ZNF524: variants seen among roughly 807,000 people sequenced by gnomAD.
ZNF524 encodes the protein zinc finger protein 524.
For synonymous variants in ZNF524, 194 were observed against 166.3 expected (o/e 1.17, Z -1.28); for missense variants, 388 against 380.1 (o/e 1.02, Z -0.17).
At position 55,602,189 on chromosome 19, in the gene ZNF524, C is replaced by T. The variant is rs200092560; in HGVS notation, c.77C>T (p.Pro26Leu). ...GAGAAACCTCTGGCCTTATCTCCTCCTGTTCCCCGGGGCCGCCGAGGCCGT... is the reference window on the plus strand; with the variant it reads ...GAGAAACCTCTGGCCTTATCTCCTCTTGTTCCCCGGGGCCGCCGAGGCCGT... ...EEEKPLALSP[P>L]VPRGRRGRRP... Residue 26 changes from proline to leucine, a missense_variant, in exon 2 of 2, where the codon CCT becomes CTT. Physicochemically the swap from Pro to Leu is moderately conservative, Grantham distance 98 (BLOSUM62 -3). Transcript: ENST00000301073. 30 of 1,610,480 alleles carry T rather than the reference C, an allele frequency of 1.9e-5. No individual in the cohort carries two copies. The highest frequency in any genetic ancestry group is 2.4e-5 in the Non-Finnish European group (28 of 1,178,390).
intron 1 of ZNF524, chr19:55,600,760 G>A (rs1599997981): frequency 6.6e-6 from 1 of 152,166 alleles, no homozygotes; most frequent in Non-Finnish European, 1.5e-5. Context: ...GCTACCCCGT[G>A]GGAGCGAACC....
In ZNF524 at chr19:55,602,333, C is replaced by T; in HGVS notation, c.221C>T (p.Ala74Val). 5 of 1,577,786 alleles carry T rather than the reference C, an allele frequency of 3.2e-6. No individual in the cohort carries two copies. The highest frequency in any genetic ancestry group is 4.3e-6 in the Non-Finnish European group (5 of 1,162,104). Residue 74 changes from alanine to valine, a missense_variant, in exon 2 of 2, where the codon GCC becomes GTC. Physicochemically the swap from Ala to Val is moderately conservative, Grantham distance 64 (BLOSUM62 0). Transcript: ENST00000301073. ...CTGGTGCAGGTGCAGGGGGTGACAG[C>T]CCCAGTAGGCAGCAGTGGCGGGAGC... ...PPLVQVQGVTAPVGSSGGSDL... is the reference protein window; with the variant it reads ...PPLVQVQGVTVPVGSSGGSDL...
In ZNF524 at chr19:55,600,295, C is replaced by T. The variant is rs914748988; in HGVS notation, c.-152C>T. On this transcript the variant is annotated 5_prime_UTR_variant, in exon 1 of 2. Transcript: ENST00000301073. ...GGGCCGGCACCGCGCGCCGCCGCCC[C>T]CGCCTCGCCGCCGCCGAGGGGCAGG... 2.0e-5 allele frequency: 3 copies of T among 150,150 alleles called. No homozygotes were observed. The highest frequency in any genetic ancestry group is 7.3e-5 in the African/African-American group (3 of 41,088). 9.3% of individuals were successfully genotyped at this position (150,150 alleles called of 1,614,324 possible). A position where few individuals can be genotyped will look rare whatever the true frequency, so the allele number is the denominator to read the frequency against.
Position 55,602,788 on chromosome 19 carries a change from G to A in ZNF524, c.676G>A (p.Gly226Arg), listed in dbSNP as rs764939491. ...GAAGCGCAAGCACCCGGAGGCCATG[G>A]GGGTACCCCTGTGTGCACCAGATCC... The part of the protein sequence containing the change: ...HAKRKHPEAM[G>R]VPLCAPDPGS... Residue 226 changes from glycine to arginine, a missense_variant, in exon 2 of 2, where the codon GGG (glycine) becomes AGG (arginine). Transcript: ENST00000301073. 3.1e-6 allele frequency: 5 copies of A among 1,611,180 alleles called. No individual in the cohort carries two copies. Among genetic ancestry groups the A allele is most frequent in the Non-Finnish European group, 4.2e-6 (5 of 1,179,830 alleles).
At position 55,602,280 on chromosome 19, in the gene ZNF524, C is replaced by T. The variant is rs555870179; in HGVS notation, c.168C>T (p.Arg56=). The change falls in exon 2 of 2, where the codon CGC becomes CGT. Residue 56 remains arginine (R), a synonymous_variant. Coordinates refer to ENST00000301073, the MANE Select transcript of ZNF524 (RefSeq NM_153219.4). Reference sequence around the variant, plus strand: ...CCTCCCTCCCTCGCAAGCGGGGCCGCCCCCCCAAGTCAGGGCAGGAGCCCC... The same window carrying T: ...CCTCCCTCCCTCGCAAGCGGGGCCGTCCCCCCAAGTCAGGGCAGGAGCCCC... ...LKASLPRKRG[R]PPKSGQEPPL... is the part of the protein sequence containing the mutation. 3.0e-5 allele frequency: 47 copies of T among 1,590,300 alleles called. No homozygotes were observed. The highest frequency in any genetic ancestry group is 2.3e-4 in the Admixed American group (13 of 56,962).
At chr19:55,600,220 G>C (rs1980581640), upstream of ZNF524, 1 of 151,424 alleles carries the variant, frequency 6.6e-6, no homozygotes, top group Non-Finnish European at 1.5e-5. Flanking sequence ...GGGCGCGCAG[G>C]CGGGCGGGAA....
rs866905326 is a variant in ZNF524 at position 55,601,915 on chromosome 19, C to G, written c.-38-160C>G. 1.3e-4 allele frequency: 61 copies of G among 454,238 alleles called. No individual in the cohort carries two copies. The Middle Eastern group carries it at 2.8e-3, about 21-fold the overall frequency. The allele number at this position is 454,238 out of a possible 1,614,324, so 28.1% of individuals were successfully genotyped here. ...TGTTTATCAGCTGATACAAGATCAT[C>G]TCACTGTTTTACCCACCAGCATAGC... On this transcript the variant is annotated intron_variant, in intron 1 of 1. Transcript: ENST00000301073.
chr19:55,601,055 TC>T (rs1980656752), intron 1 of ZNF524: 1 of 152,254 alleles, frequency 6.6e-6, no homozygotes, highest in South Asian at 2.1e-4. Flanking sequence ...CCTGGTTTAT[TC>T]ACTTTTCAGA....
rs372785073 is a variant in ZNF524 at position 55,602,278 on chromosome 19, C to A, written c.166C>A (p.Arg56Ser). 9.4e-6 allele frequency: 15 copies of A among 1,593,098 alleles called. 1 individual carries two copies. The South Asian group carries it at 1.6e-4, about 17-fold the overall frequency. Reference protein sequence around the residue: ...LKASLPRKRGRPPKSGQEPPL... With the variant: ...LKASLPRKRGSPPKSGQEPPL... ...GGCCTCCCTCCCTCGCAAGCGGGGC[C>A]GCCCCCCCAAGTCAGGGCAGGAGCC... The change falls in exon 2 of 2, where the codon CGC (arginine) becomes AGC (serine). Residue 56 changes from arginine (R) to serine (S), a missense_variant. By Grantham distance (110) the Arg-to-Ser change is moderately radical. Coordinates refer to ENST00000301073, the MANE Select transcript of ZNF524 (RefSeq NM_153219.4).
At chr19:55,600,673 C>T (rs1174419786) in intron 1 of ZNF524, 2 of 152,134 alleles carry the variant, frequency 1.3e-5, no homozygotes, top group African/African-American at 4.8e-5. Flanking sequence ...GCGTCAGTAC[C>T]GGGGCGAGGG....
chr19:55,603,114 T>C lies in ZNF524; in HGVS notation c.*207T>C. The C allele has an allele frequency of 1.6e-6, 1 of 616,150 alleles. No individual in the cohort carries two copies. Among genetic ancestry groups the C allele is most frequent in the East Asian group, 2.9e-5 (1 of 34,226 alleles). The allele number at this position is 616,150 out of a possible 1,614,324, so 38.2% of individuals were successfully genotyped here. On this transcript the variant is annotated 3_prime_UTR_variant, in exon 2 of 2. Coordinates refer to ENST00000301073, the MANE Select transcript of ZNF524 (RefSeq NM_153219.4). ...AACAGACCCTTGGAGGCAGGGGCTG[T>C]GGAAATAAATCTCTGCCTGCTGGCT... is the stretch of plus-strand genomic sequence containing the variant.
chr19:55,601,309 A>T (rs1056555468), intron 1 of ZNF524: 1 of 152,214 alleles, frequency 6.6e-6, no homozygotes, highest in Non-Finnish European at 1.5e-5. Context: ...GATATGCCCT[A>T]TTCAGAGGGT....
upstream of ZNF524, chr19:55,599,669 G>A (rs1242501157): frequency 1.3e-5 from 2 of 152,422 alleles, no homozygotes; most frequent in African/African-American, 4.8e-5. Context: ...AAGAAGCCAG[G>A]CCCGCGCCAT....
chr19:55,601,969 A>G (rs1478651280), intron 1 of ZNF524, 106 bp from the exon 2 acceptor site: 2 of 694,602 alleles, frequency 2.9e-6, no homozygotes, highest in East Asian at 2.8e-5. Context: ...TGAATGTCAA[A>G]CACACCTTTG....
chr19:55,602,296 C>T lies in ZNF524; in HGVS notation c.184C>T (p.Gln62Ter). The T allele has an allele frequency of 6.3e-7, 1 of 1,583,216 alleles. No individual in the cohort carries two copies. Among genetic ancestry groups the T allele is most frequent in the Non-Finnish European group, 8.6e-7 (1 of 1,164,940 alleles). Residue 62 changes from glutamine (Q) to a stop codon, truncating the protein, a stop_gained, in exon 2 of 2, where the codon CAG (glutamine) becomes TAG (stop). Coordinates refer to ENST00000301073, the MANE Select transcript of ZNF524 (RefSeq NM_153219.4). LOFTEE classifies it low-confidence loss of function (END_TRUNC). ...GCGGGGCCGCCCCCCCAAGTCAGGG[C>T]AGGAGCCCCCACTGGTGCAGGTGCA... Reference protein sequence around the residue: ...RKRGRPPKSGQEPPLVQVQGV... With the variant: ...RKRGRPPKSG
chr19:55,600,378 C>T lies in ZNF524; in HGVS notation c.-69C>T, dbSNP rs1338295941. ...GCCCCGTTGCCCCCGCGCGCGCGCA[C>T]ACTCGCGAGCCCCGGCGACATGCAA... On this transcript the variant is annotated 5_prime_UTR_variant, in exon 1 of 2. Coordinates refer to ENST00000301073, the MANE Select transcript of ZNF524 (RefSeq NM_153219.4). The T allele has an allele frequency of 1.3e-5, 2 of 148,890 alleles. No homozygotes were observed. The highest frequency in any genetic ancestry group is 3.0e-5 in the Non-Finnish European group (2 of 66,858). 9.2% of individuals were successfully genotyped at this position (148,890 alleles called of 1,614,324 possible).
At position 55,602,656 on chromosome 19, in the gene ZNF524, G is replaced by A; in HGVS notation, c.544G>A (p.Ala182Thr). The change falls in exon 2 of 2, where the codon GCG becomes ACG. Residue 182 changes from alanine to threonine, a missense_variant. Ala to Thr is a moderately conservative substitution (Grantham distance 58, BLOSUM62 0). Coordinates refer to ENST00000301073, the MANE Select transcript of ZNF524 (RefSeq NM_153219.4). ...CPLCPRRFRE[A>T]GELAHHHRVH... is the part of the protein sequence containing the mutation. ...GCTGTGCCCCCGCCGCTTCCGCGAG[G>A]CGGGCGAGCTGGCGCACCACCACCG... 6.3e-7 allele frequency: 1 copy of A among 1,594,204 alleles called. No homozygotes were observed. The highest frequency in any genetic ancestry group is 8.5e-7 in the Non-Finnish European group (1 of 1,175,998).
At chr19:55,601,763 C>T (rs1980690956) in intron 1 of ZNF524, 1 of 147,346 alleles carries the variant, frequency 6.8e-6, no homozygotes, top group East Asian at 1.7e-4. Flanking sequence ...TGGACTCTAT[C>T]CTCTCTGGAA....
Position 55,602,781 on chromosome 19 carries a change from G to T in ZNF524, c.669G>T (p.Glu223Asp), listed in dbSNP as rs1341477794. The T allele has an allele frequency of 1.9e-6, 3 of 1,610,812 alleles. No individual in the cohort carries two copies. The African/African-American group carries it at 4.0e-5, about 21-fold the overall frequency. The change falls in exon 2 of 2, where the codon GAG (glutamate) becomes GAT (aspartate). Residue 223 changes from glutamate to aspartate, a missense_variant. Glu to Asp is a conservative substitution (Grantham distance 45). Coordinates refer to ENST00000301073, the MANE Select transcript of ZNF524 (RefSeq NM_153219.4). Reference sequence around the variant, plus strand: ...GCCATGCGAAGCGCAAGCACCCGGAGGCCATGGGGGTACCCCTGTGTGCAC... The same window carrying T: ...GCCATGCGAAGCGCAAGCACCCGGATGCCATGGGGGTACCCCTGTGTGCAC... ...LRRHAKRKHP[E>D]AMGVPLCAPD...
Sources: allele counts gnomAD v4.1 joint callset, GRCh38; gene constraint gnomAD v4.1.1; transcripts MANE v1.5; gene names NCBI Gene and HGNC (gene_info 2026-07-23, HGNC 2026-07-21).